COL23A1: variants seen among roughly 807,000 people sequenced by gnomAD.
COL23A1 encodes the protein collagen type XXIII alpha 1 chain.
COL23A1 carries 97 observed loss-of-function variants against 99.3 expected under a neutral mutation model. The ratio of observed to expected loss-of-function variants is 0.98; its 90% CI spans 0.83 to 1.16. The LOEUF (loss-of-function observed/expected upper bound fraction) is 1.16. Among genes scored for constraint, COL23A1 ranks in the 50% most tolerant of loss-of-function variants. The pLI, the probability that COL23A1 is intolerant of heterozygous loss-of-function variation, is 0.00. For missense variants in COL23A1, 762 were observed against 757.4 expected (o/e 1.01, Z -0.07); for synonymous variants, 320 against 308.2 (o/e 1.04, Z -0.40).
chr5:178,326,134 C>T (rs1759638148), intron 2 of COL23A1, among the ~76,000 whole-genome samples: 2 of 152,152 alleles, frequency 1.3e-5, no homozygotes, highest in Admixed American at 1.3e-4. Context: ...TCTCATTGAC[C>T]TCCATTTCAG....
intron 1 of COL23A1, among the ~76,000 whole-genome samples, chr5:178,561,020 G>C (rs1412568061): frequency 2.6e-5 from 4 of 152,222 alleles, no homozygotes; most frequent in African/African-American, 4.8e-5. Flanking sequence ...AGAATACCAA[G>C]AGTTACGACA....
At position 178,439,663 on chromosome 5, in the gene COL23A1, C is replaced by T. The variant is rs1159441567; in HGVS notation, c.361+121019G>A. The stretch of plus-strand genomic sequence containing the variant: ...CGAGGCAGTTTCTTAAAGAGTTAAA[C>T]ATACGTTCACCATGCAGTGCAGCAA... On this transcript the variant is annotated intron_variant, in intron 2 of 28. Transcript: ENST00000390654. This position sits in a 1 kb window ranked among gnomAD's most constrained non-coding sequence, Gnocchi z 4.2. 6.6e-6 allele frequency: 1 copy of T among 152,250 alleles called. No individual in the cohort carries two copies. Among genetic ancestry groups the T allele is most frequent in the East Asian group, 1.9e-4 (1 of 5,196 alleles). 9.4% of individuals were successfully genotyped at this position (152,250 alleles called of 1,614,324 possible).
rs997923414 is a variant in COL23A1, at chr5:178,394,312, A to G, written c.362-87393T>C. On this transcript the variant is annotated intron_variant, in intron 2 of 28. Coordinates refer to ENST00000390654, the MANE Select transcript of COL23A1 (RefSeq NM_173465.4). ...TGGCACAGAACAGTGCCTGCCACAC[A>G]CTGGGTGAGTCAACCCTGAGCCCTC... is the stretch of plus-strand genomic sequence containing the variant. Among the ~76,000 whole-genome samples, 50 of 152,176 alleles carry G rather than the reference A, an allele frequency of 3.3e-4. 1 individual carries two copies. Among genetic ancestry groups the G allele is most frequent in the Non-Finnish European group, 5.0e-4 (34 of 68,026 alleles).
chr5:178,300,984 C>T (rs1404266834), intron 3 of COL23A1, among the ~76,000 whole-genome samples: 1 of 151,950 alleles, frequency 6.6e-6, no homozygotes, highest in Non-Finnish European at 1.5e-5. Context: ...TGGTTTTCTT[C>T]AAAATTGAGA....
intron 2 of COL23A1, among the ~76,000 whole-genome samples, chr5:178,339,323 C>A (rs974718300): frequency 3.9e-5 from 6 of 152,232 alleles, no homozygotes; most frequent in Non-Finnish European, 8.8e-5. Flanking sequence ...CCTCAAGCCT[C>A]CGCCATCCTG....
chr5:178,300,712 C>T (rs1757987002), intron 3 of COL23A1, among the ~76,000 whole-genome samples: 1 of 110,016 alleles, frequency 9.1e-6, no homozygotes. Context: ...GCACGCCTGG[C>T]TAGCTTTTGT....
intron 2 of COL23A1, among the ~76,000 whole-genome samples, chr5:178,375,972 G>C (rs531088072): frequency 2.0e-5 from 3 of 152,216 alleles, no homozygotes; most frequent in Non-Finnish European, 4.4e-5. Flanking sequence ...CTCCAAAAGT[G>C]TTGGGATTAT....
intron 20 of COL23A1, 143 bp downstream of exon 20, chr5:178,248,049 A>G: frequency 2.7e-6 from 2 of 729,178 alleles, no homozygotes; most frequent in South Asian, 3.5e-5. Context: ...CTGTTCTCAG[A>G]GGGGTCTCGC....
chr5:178,406,864 AGCT>A (rs1373306669), intron 2 of COL23A1, among the ~76,000 whole-genome samples: 6 of 152,212 alleles, frequency 3.9e-5, no homozygotes, highest in African/African-American at 1.4e-4. Flanking sequence ...AATGTTATAA[AGCT>A]ACAATAATTA....
intron 2 of COL23A1, among the ~76,000 whole-genome samples, chr5:178,369,088 C>G (rs1762656902): frequency 6.6e-6 from 1 of 152,234 alleles, no homozygotes; most frequent in Non-Finnish European, 1.5e-5. Flanking sequence ...TCGGCCCCTT[C>G]TGCCCTGGGG....
chr5:178,551,315 T>A (rs1234987133), intron 2 of COL23A1, among the ~76,000 whole-genome samples: 2 of 151,944 alleles, frequency 1.3e-5, no homozygotes, highest in African/African-American at 4.8e-5. Context: ...GCACAGAAAC[T>A]TCAAGATCTT....
chr5:178,343,285 G>A (rs1052286775), intron 2 of COL23A1, among the ~76,000 whole-genome samples: 3 of 152,156 alleles, frequency 2.0e-5, no homozygotes, highest in Non-Finnish European at 4.4e-5. Context: ...AAGAGAAAGA[G>A]AGTGACAGGA....
Position 178,502,583 on chromosome 5 carries a change from A to G in COL23A1, c.361+58099T>C, listed in dbSNP as rs1317370245. 2.0e-5 allele frequency among the ~76,000 whole-genome samples: 3 copies of G among 152,194 alleles called. No homozygotes were observed. The East Asian group carries it at 5.8e-4, about 29-fold the overall frequency. On this transcript the variant is annotated intron_variant, in intron 2 of 28. Coordinates refer to ENST00000390654, the MANE Select transcript of COL23A1 (RefSeq NM_173465.4). ...ACAATAATTCATAGGCCATTTACACACTAGATTGTCATGAAAGTAAGAAGT... is the reference window on the plus strand; with the variant it reads ...ACAATAATTCATAGGCCATTTACACGCTAGATTGTCATGAAAGTAAGAAGT...
At chr5:178,498,741 A>G (rs1281716858) in intron 2 of COL23A1, among the ~76,000 whole-genome samples, 3 of 152,160 alleles carry the variant, frequency 2.0e-5, no homozygotes, top group Non-Finnish European at 4.4e-5. Flanking sequence ...AAAAAATCCA[A>G]CTATGTACTG....
In COL23A1 at chr5:178,554,699, C is replaced by A. The variant is rs567878527; in HGVS notation, c.361+5983G>T. Among the ~76,000 whole-genome samples, 11 of 152,278 alleles carry A rather than the reference C, an allele frequency of 7.2e-5. 1 individual carries two copies. The South Asian group carries it at 2.3e-3, about 32-fold the overall frequency. On this transcript the variant is annotated intron_variant, in intron 2 of 28. Coordinates refer to ENST00000390654, the MANE Select transcript of COL23A1 (RefSeq NM_173465.4). ...TTGCCAACCCTCCCCCACTTTGTCT[C>A]CCCTGGTTCCAAGAATGGTCACATG...
chr5:178,546,907 C>G (rs1178850002), intron 2 of COL23A1, among the ~76,000 whole-genome samples: 1 of 152,100 alleles, frequency 6.6e-6, no homozygotes, highest in Non-Finnish European at 1.5e-5. Flanking sequence ...GCACAAGGGG[C>G]CTGTGTGAGG....
At position 178,245,934 on chromosome 5, in the gene COL23A1, A is replaced by C. The variant is rs767863947; in HGVS notation, c.1440+8T>G. On this transcript the variant is annotated splice_region_variant and intron_variant, in intron 25 of 28. Coordinates refer to ENST00000390654, the MANE Select transcript of COL23A1 (RefSeq NM_173465.4). The stretch of plus-strand genomic sequence containing the variant: ...CCCAATTACTCAAAGTGATGATAAG[A>C]CACTTACATCTAGTCCTGGCTCCCC... The C allele has an allele frequency of 6.2e-7, 1 of 1,614,084 alleles. No individual in the cohort carries two copies. Among genetic ancestry groups the C allele is most frequent in the Admixed American group, 1.7e-5 (1 of 60,022 alleles).
At chr5:178,364,642 C>G (rs561264306) in intron 2 of COL23A1, among the ~76,000 whole-genome samples, 120 of 152,316 alleles carry the variant, frequency 7.9e-4, no homozygotes, top group African/African-American at 2.7e-3. Context: ...GGGGAGGCGC[C>G]TGGGAACTCA....
intron 2 of COL23A1, among the ~76,000 whole-genome samples, chr5:178,314,489 T>A: frequency 6.6e-6 from 1 of 152,088 alleles, no homozygotes; most frequent in Middle Eastern, 3.4e-3. Context: ...ATTCGGTGGA[T>A]GAATGAATAG....
Sources: gnomAD v4.1 joint callset for allele counts (sites outside exome capture counted in the v4.1 genomes callset) on GRCh38, gnomAD v4.1.1 for gene constraint, Gnocchi (gnomAD v3.1) non-coding constraint, MANE v1.5 for transcripts, NCBI Gene and HGNC (gene_info 2026-07-23, HGNC 2026-07-21) for gene names.